Variants in ZNF385A observed in about 807,000 individuals in gnomAD.
ZNF385A encodes the protein hematopoietic zinc finger protein.
ZNF385A carries 14 observed loss-of-function variants against 32.1 expected under a neutral mutation model. The ratio of observed to expected loss-of-function variants is 0.44; its 90% CI spans 0.29 to 0.68. The LOEUF is 0.68. Among genes scored for constraint, ZNF385A ranks in the 30% least tolerant of loss-of-function variants. ZNF385A has a pLI of 0.14. For synonymous variants in ZNF385A, 197 were observed against 202.7 expected, an observed-to-expected ratio of 0.97 and a Z score of 0.24; for missense variants, 406 against 478.4, an observed-to-expected ratio of 0.85 and a Z score of 1.41.
intron 1 of ZNF385A, among the ~76,000 whole-genome samples, chr12:54,379,518 C>A (rs956718402): frequency 2.0e-5 from 3 of 152,088 alleles, no homozygotes; most frequent in Non-Finnish European, 4.4e-5. Flanking sequence ...TTTTGCCCCA[C>A]CTTCCCTAGA....
chr12:54,382,561 T>C (rs1955249775), intron 1 of ZNF385A, among the ~76,000 whole-genome samples: 1 of 152,218 alleles, frequency 6.6e-6, no homozygotes, highest in Non-Finnish European at 1.5e-5. Flanking sequence ...TGCTTTCTTA[T>C]TTGTTAAATG....
In ZNF385A at chr12:54,371,697, A is replaced by C. The variant is rs1954561804; in HGVS notation, c.380T>G (p.Leu127Arg). 1.2e-6 allele frequency: 2 copies of C among 1,611,338 alleles called. No homozygotes were observed. The highest frequency in any genetic ancestry group is 1.1e-5 in the South Asian group (1 of 90,922). Residue 127 changes from leucine (L) to arginine (R), a missense_variant, in exon 4 of 7, where the codon CTG becomes CGG. Leu to Arg is a moderately radical substitution (Grantham distance 102). Transcript: ENST00000394313. Reference sequence around the variant, plus strand: ...CTCTGGGGATCCTGGGGCTGGCCCCAGTCCATTCTCCATGGAAACTGTTGT... The same window carrying C: ...CTCTGGGGATCCTGGGGCTGGCCCCCGTCCATTCTCCATGGAAACTGTTGT... ...APRPVSMENG[L>R]GPAPGSPEKQ...
rs780560749 is a variant in ZNF385A at position 54,370,506 on chromosome 12, G to T, written c.871-20C>A. ...CGTGCCCTGAAGCGGGCGAAAGGCG[G>T]AGGAAGAGAAGTCACCCGGCGGTCC... is the stretch of plus-strand genomic sequence containing the variant. On this transcript the variant is annotated intron_variant, in intron 6 of 6. Coordinates refer to ENST00000394313, the MANE Select transcript of ZNF385A (RefSeq NM_015481.3). This position sits in a 1 kb window ranked among gnomAD's most constrained non-coding sequence, Gnocchi z 5.5. 2.6e-5 allele frequency: 41 copies of T among 1,550,966 alleles called. No individual in the cohort carries two copies. Among genetic ancestry groups the T allele is most frequent in the Admixed American group, 5.9e-5 (3 of 50,988 alleles).
chr12:54,386,651 C>T (rs1320745131), upstream of ZNF385A, among the ~76,000 whole-genome samples: 2 of 152,156 alleles, frequency 1.3e-5, no homozygotes, highest in African/African-American at 4.8e-5. Flanking sequence ...CACCCAGCAT[C>T]CACCCCCAGC....
At chr12:54,382,038 G>A (rs1458977046) in intron 1 of ZNF385A, among the ~76,000 whole-genome samples, 1 of 151,296 alleles carries the variant, frequency 6.6e-6, no homozygotes, top group Non-Finnish European at 1.5e-5. Flanking sequence ...CATAGTAGGT[G>A]CTCAAAAAAA....
chr12:54,370,056 T>G lies in ZNF385A; in HGVS notation c.*200A>C. On this transcript the variant is annotated 3_prime_UTR_variant, in exon 7 of 7. Transcript: ENST00000394313. The surrounding 1 kb of genome is among the most constrained non-coding windows in gnomAD (Gnocchi z 5.5). Reference sequence around the variant, plus strand: ...GGGAAAGGCAGGGGGCGGGGTTCCCTGAGATCTGGGGTGTTCCCCCCCTTC... The same window carrying G: ...GGGAAAGGCAGGGGGCGGGGTTCCCGGAGATCTGGGGTGTTCCCCCCCTTC... 2 of 436,050 alleles carry G rather than the reference T, an allele frequency of 4.6e-6. No homozygotes were observed. The highest frequency in any genetic ancestry group is 3.5e-5 in the East Asian group (1 of 28,206). 27.0% of individuals were successfully genotyped at this position (436,050 alleles called of 1,614,324 possible).
intron 3 of ZNF385A, among the ~76,000 whole-genome samples, chr12:54,373,221 A>T (rs1244670702): frequency 1.4e-5 from 2 of 144,560 alleles, no homozygotes; most frequent in African/African-American, 5.2e-5. Flanking sequence ...TTTGTTTCTC[A>T]TTCTTCTTAG....
In ZNF385A at chr12:54,384,597, G is replaced by A; in HGVS notation, c.-83C>T. On this transcript the variant is annotated 5_prime_UTR_variant, in exon 1 of 7. Coordinates refer to ENST00000394313, the MANE Select transcript of ZNF385A (RefSeq NM_015481.3). ...GCAGAGAAAACATTCTGTGGGGTAG[G>A]AAGATTAAAGCTTGGGAACCCCACC... 7.0e-7 allele frequency: 1 copy of A among 1,430,088 alleles called. No individual in the cohort carries two copies. Among genetic ancestry groups the A allele is most frequent in the Non-Finnish European group, 9.2e-7 (1 of 1,092,752 alleles). 88.6% of individuals were successfully genotyped at this position (1,430,088 alleles called of 1,614,324 possible). A position where few individuals can be genotyped will look rare whatever the true frequency, so the allele number is the denominator to read the frequency against.
At chr12:54,382,216 C>T (rs891620331) in intron 1 of ZNF385A, among the ~76,000 whole-genome samples, 6 of 148,804 alleles carry the variant, frequency 4.0e-5, no homozygotes, top group South Asian at 4.4e-4. Flanking sequence ...TACAGGCGCC[C>T]GCCACCACGC....
chr12:54,371,030 A>G lies in ZNF385A; in HGVS notation c.671T>C (p.Leu224Pro). 6.2e-7 allele frequency: 1 copy of G among 1,614,124 alleles called. No homozygotes were observed. The highest frequency in any genetic ancestry group is 8.5e-7 in the Non-Finnish European group (1 of 1,180,004). The stretch of plus-strand genomic sequence containing the variant: ...TGGTTCCCCCGGGGTGGGAGGCCCC[A>G]GCCGAGGGTAAGCTTTGATGGGCCC... ...GLGPIKAYPRLGPPTPGEPEA... is the reference protein window; with the variant it reads ...GLGPIKAYPRPGPPTPGEPEA... The change falls in exon 5 of 7, where the codon CTG becomes CCG. Residue 224 changes from leucine (L) to proline (P), a missense_variant. Transcript: ENST00000394313.
chr12:54,377,044 G>C (rs570128751), intron 1 of ZNF385A, among the ~76,000 whole-genome samples: 1 of 152,324 alleles, frequency 6.6e-6, no homozygotes, highest in East Asian at 1.9e-4. Flanking sequence ...TATCTCCTCA[G>C]CCGAGCCCAT....
rs2887875 is a variant in ZNF385A at position 54,374,028 on chromosome 12, G to A, written c.306C>T (p.Asp102=). The A allele has an allele frequency of 0.2, 318,104 of 1,596,184 alleles. 34,591 individuals are homozygous for A. The highest frequency in any genetic ancestry group is 0.4 in the Admixed American group (23,801 of 58,790). The change falls in exon 3 of 7, where the codon GAC becomes GAT. Residue 102 remains aspartate, a synonymous_variant. Coordinates refer to ENST00000394313, the MANE Select transcript of ZNF385A (RefSeq NM_015481.3). The part of the protein sequence containing the change: ...GREPGVREPG[D]PAPPGSTPTN... ...TTGGGGTGCTGCCTGGGGGAGCTGG[G>A]TCTCCAGGTTCTCGGACGCCAGGCT...
At chr12:54,375,726 C>A in intron 2 of ZNF385A, 118 bp downstream of exon 2, 1 of 826,608 alleles carries the variant, frequency 1.2e-6, no homozygotes, top group Non-Finnish European at 2.0e-6. Context: ...TGCCTAATAT[C>A]CCCTTAATCC....
chr12:54,377,102 C>A (rs1216996025), intron 1 of ZNF385A, among the ~76,000 whole-genome samples: 2 of 152,164 alleles, frequency 1.3e-5, no homozygotes, highest in Non-Finnish European at 2.9e-5. Flanking sequence ...GGTGAGAGAA[C>A]AAGAAGTGGG....
In ZNF385A at chr12:54,375,888, G is replaced by T; in HGVS notation, c.154C>A (p.Pro52Thr). The change falls in exon 2 of 7, where the codon CCC (proline) becomes ACC (threonine). Residue 52 changes from proline to threonine, a missense_variant. By Grantham distance (38) the Pro-to-Thr change is conservative (BLOSUM62 -1). Coordinates refer to ENST00000394313, the MANE Select transcript of ZNF385A (RefSeq NM_015481.3). ...TGACAGATATTACAGGAAATGACGG[G>T]CCGCTTGGTCTTGAGCAAGGGTCCC... ...FGGPLLKTKR[P>T]VISCNICQIR... is the part of the protein sequence containing the mutation. The T allele has an allele frequency of 1.2e-6, 2 of 1,614,164 alleles. No homozygotes were observed. Among genetic ancestry groups the T allele is most frequent in the South Asian group, 2.2e-5 (2 of 91,084 alleles).
chr12:54,370,868 C>A lies in ZNF385A; in HGVS notation c.774+59G>T, dbSNP rs1954507849. ...GGGCCTTTACTCAAGCTCCTTGCTC[C>A]CCTTCCCCACTTAGCGGGTGGAGCG... On this transcript the variant is annotated intron_variant, in intron 5 of 6. Transcript: ENST00000394313. This position sits in a 1 kb window ranked among gnomAD's most constrained non-coding sequence, Gnocchi z 5.5. 1.9e-6 allele frequency: 3 copies of A among 1,612,556 alleles called. No individual in the cohort carries two copies. Among genetic ancestry groups the A allele is most frequent in the Non-Finnish European group, 2.5e-6 (3 of 1,179,052 alleles).
chr12:54,385,780 C>T (rs931882636), upstream of ZNF385A: 6 of 414,686 alleles, frequency 1.4e-5, no homozygotes, highest in African/African-American at 1.3e-4. Flanking sequence ...CTGCCCCCTC[C>T]CTTGCCAGCC....
At chr12:54,378,136 G>A (rs569439314) in intron 1 of ZNF385A, among the ~76,000 whole-genome samples, 2 of 152,310 alleles carry the variant, frequency 1.3e-5, no homozygotes, top group East Asian at 3.9e-4. Context: ...GGGCAGCAGT[G>A]GAGTCAGGTG....
chr12:54,388,875 A>G (rs890371577), upstream of ZNF385A, among the ~76,000 whole-genome samples: 2 of 152,090 alleles, frequency 1.3e-5, no homozygotes, highest in African/African-American at 2.4e-5. Context: ...CAATTCCCCC[A>G]TCTTGGCAGG....
Sources: allele counts gnomAD v4.1 joint callset (sites outside exome capture counted in the v4.1 genomes callset), GRCh38; gene constraint gnomAD v4.1.1; non-coding constraint Gnocchi (gnomAD v3.1); transcripts MANE v1.5; gene names NCBI Gene and HGNC (gene_info 2026-07-23, HGNC 2026-07-21).